The following GTF2H5 variants were observed in gnomAD, a reference collection of about 807,000 sequenced individuals.
GTF2H5 encodes the protein TFB5 ortholog.
In GTF2H5, 5 loss-of-function variants were observed where a neutral mutation model predicts 7.1. The ratio of observed to expected loss-of-function variants is 0.71; its 90% confidence interval spans 0.37 to 1.49. The LOEUF is 1.49. GTF2H5 is among the 40% of genes most tolerant of loss of function. The probability of loss-of-function intolerance (pLI) is 0.03; values close to 1 mark genes in which losing one functional copy is unlikely to be tolerated. For synonymous variants in GTF2H5, 30 were observed against 31.7 expected, an observed-to-expected ratio of 0.95 and a Z score of 0.18; for missense variants, 80 against 83.0, an observed-to-expected ratio of 0.96 and a Z score of 0.14.
chr6:158,176,642 C>G (rs1268376755), intron 2 of GTF2H5, among the ~76,000 whole-genome samples: 1 of 151,958 alleles, frequency 6.6e-6, no homozygotes, highest in Non-Finnish European at 1.5e-5. Context: ...TCTGGGAGAC[C>G]CTAACCCAGC....
intron 2 of GTF2H5, among the ~76,000 whole-genome samples, chr6:158,187,139 C>T (rs990905486): frequency 1.3e-5 from 2 of 151,882 alleles, no homozygotes; most frequent in Non-Finnish European, 2.9e-5. Context: ...GTATTACAAG[C>T]GCCTGCCACC....
Position 158,196,275 on chromosome 6 carries a change from C to G in GTF2H5, c.*4118C>G, listed in dbSNP as rs1455784855. 6.6e-6 allele frequency: 1 copy of G among 152,120 alleles called. No homozygotes were observed. Among genetic ancestry groups the G allele is most frequent in the East Asian group, 1.9e-4 (1 of 5,186 alleles). 9.4% of individuals were successfully genotyped at this position (152,120 alleles called of 1,614,324 possible). A position where few individuals can be genotyped will look rare whatever the true frequency, so the allele number is the denominator to read the frequency against. On this transcript the variant is annotated 3_prime_UTR_variant, in exon 3 of 3. Transcript: ENST00000607778. The stretch of plus-strand genomic sequence containing the variant: ...CCAGCCGGGGTGACAGAGCGAGACT[C>G]CCACCCATCTCAAAAAAAATAAAAA...
At chr6:158,182,763 G>C (rs189893163) in intron 2 of GTF2H5, among the ~76,000 whole-genome samples, 3 of 152,020 alleles carry the variant, frequency 2.0e-5, no homozygotes, top group Non-Finnish European at 4.4e-5. Flanking sequence ...GGTTATTCTA[G>C]TTAACCATTC....
In GTF2H5 at chr6:158,192,452, A is replaced by G. The variant is rs375182581; in HGVS notation, c.*295A>G. The G allele has an allele frequency of 1.0e-4, 37 of 360,462 alleles. No homozygotes were observed. The highest frequency in any genetic ancestry group is 5.9e-4 in the East Asian group (9 of 15,222). 22.3% of individuals were successfully genotyped at this position (360,462 alleles called of 1,614,324 possible). A position where few individuals can be genotyped will look rare whatever the true frequency, so the allele number is the denominator to read the frequency against. On this transcript the variant is annotated 3_prime_UTR_variant, in exon 3 of 3. Coordinates refer to ENST00000607778, the MANE Select transcript of GTF2H5 (RefSeq NM_207118.3). ...CTTTTTAATACCATGTCAGTGTAAC[A>G]TAGGTATTTATTTTGCTCATCCCTG...
chr6:158,188,614 T>C (rs1776969575), intron 2 of GTF2H5, among the ~76,000 whole-genome samples: 1 of 152,156 alleles, frequency 6.6e-6, no homozygotes, highest in Non-Finnish European at 1.5e-5. Flanking sequence ...GTCTTACTGT[T>C]CTAGAAAATC....
At position 158,195,756 on chromosome 6, in the gene GTF2H5, C is replaced by T. The variant is rs1777097193; in HGVS notation, c.*3599C>T. ...GAGTAAAAGCTCTGACAAAAAGCCT[C>T]TGCTGTAACTAAAATACTGAGATCA... On this transcript the variant is annotated 3_prime_UTR_variant, in exon 3 of 3. Coordinates refer to ENST00000607778, the MANE Select transcript of GTF2H5 (RefSeq NM_207118.3). 1 of 152,182 alleles carries T rather than the reference C, an allele frequency of 6.6e-6. No homozygotes were observed. The highest frequency in any genetic ancestry group is 2.1e-4 in the South Asian group (1 of 4,826). The allele number at this position is 152,182 out of a possible 1,614,324, so 9.4% of individuals were successfully genotyped here. A position where few individuals can be genotyped will look rare whatever the true frequency, so the allele number is the denominator to read the frequency against.
intron 1 of GTF2H5, among the ~76,000 whole-genome samples, chr6:158,169,881 T>G (rs975444772): frequency 2.8e-5 from 4 of 144,956 alleles, no homozygotes; most frequent in African/African-American, 1.0e-4. Flanking sequence ...TTAGCTGGGC[T>G]TAGTAGTGCA....
In GTF2H5 at chr6:158,195,303, A is replaced by C. The variant is rs10946159; in HGVS notation, c.*3146A>C. 0.34 allele frequency: 51,551 copies of C among 151,892 alleles called. 9,363 individuals are homozygous for C. Among genetic ancestry groups the C allele is most frequent in the Admixed American group, 0.46 (7,083 of 15,274 alleles). 9.4% of individuals were successfully genotyped at this position (151,892 alleles called of 1,614,324 possible). ...GAGTGAAACTTTGTCTCTTAATAGA[A>C]CTATGGACTGAAGTTGTGATATTGA... On this transcript the variant is annotated 3_prime_UTR_variant, in exon 3 of 3. Transcript: ENST00000607778.
intron 2 of GTF2H5, among the ~76,000 whole-genome samples, chr6:158,174,001 G>T (rs1051522429): frequency 6.6e-6 from 1 of 152,146 alleles, no homozygotes; most frequent in Non-Finnish European, 1.5e-5. Flanking sequence ...GTGCTGGTGG[G>T]GGTGGTTTTT....
Position 158,195,775 on chromosome 6 carries a change from G to A in GTF2H5, c.*3618G>A, listed in dbSNP as rs1357239737. The A allele has an allele frequency of 6.6e-6, 1 of 152,124 alleles. No homozygotes were observed. Among genetic ancestry groups the A allele is most frequent in the Admixed American group, 6.5e-5 (1 of 15,276 alleles). 9.4% of individuals were successfully genotyped at this position (152,124 alleles called of 1,614,324 possible). A position where few individuals can be genotyped will look rare whatever the true frequency, so the allele number is the denominator to read the frequency against. The stretch of plus-strand genomic sequence containing the variant: ...AAGCCTCTGCTGTAACTAAAATACT[G>A]AGATCATTCTATCTTAACAAACTTA... On this transcript the variant is annotated 3_prime_UTR_variant, in exon 3 of 3. Transcript: ENST00000607778.
rs1777138796 is a variant in GTF2H5 at position 158,198,000 on chromosome 6, T to A, written c.*5843T>A. The A allele has an allele frequency of 6.6e-6, 1 of 152,358 alleles. No individual in the cohort carries two copies. 9.4% of individuals were successfully genotyped at this position (152,358 alleles called of 1,614,324 possible). A position where few individuals can be genotyped will look rare whatever the true frequency, so the allele number is the denominator to read the frequency against. On this transcript the variant is annotated 3_prime_UTR_variant, in exon 3 of 3. Coordinates refer to ENST00000607778, the MANE Select transcript of GTF2H5 (RefSeq NM_207118.3). ...TAAAAGAAATTATATTTTATTTTTA[T>A]CTTTTAATTCTATTTTTCCATGAAC...
rs1562468281 is a variant in GTF2H5, at chr6:158,169,480, A to ATATAATATACAGTATATTATATG, written c.-34-988_-34-987insTAATATACAGTATATTATATGTA. Among the ~76,000 whole-genome samples the ATATAATATACAGTATATTATATG allele has an allele frequency of 2.1e-4, 13 of 61,226 alleles. 1 individual carries two copies. The highest frequency in any genetic ancestry group is 1.3e-3 in the African/African-American group (13 of 10,144). 40.2% of individuals were successfully genotyped at this position (61,226 alleles called of 152,430 possible). The stretch of plus-strand genomic sequence containing the variant: ...ATATATATTATATTGTATATTATAT[A>ATATAATATACAGTATATTATATG]TAATATATTGTATATTATATAATAT... On this transcript the variant is annotated intron_variant, in intron 1 of 2. Coordinates refer to ENST00000607778, the MANE Select transcript of GTF2H5 (RefSeq NM_207118.3).
intron 2 of GTF2H5, among the ~76,000 whole-genome samples, chr6:158,190,083 A>C (rs74946338): frequency 6.7e-6 from 1 of 148,866 alleles, no homozygotes; most frequent in Non-Finnish European, 1.5e-5. Context: ...TTTTTTTTTT[A>C]GTAGAGTCAG....
chr6:158,169,347 T>TTA (rs948429335), intron 1 of GTF2H5, among the ~76,000 whole-genome samples: 20 of 110,548 alleles, frequency 1.8e-4, no homozygotes, highest in African/African-American at 7.2e-4. Context: ...AATACGTATA[T>TTA]TATATATAAT....
chr6:158,191,771 C>T (rs916009275), intron 2 of GTF2H5, among the ~76,000 whole-genome samples: 5 of 152,188 alleles, frequency 3.3e-5, no homozygotes, highest in Admixed American at 6.5e-5. Context: ...TGTGAGCCAT[C>T]GCACCCGGCC....
At chr6:158,175,950 C>T (rs1003878435) in intron 2 of GTF2H5, among the ~76,000 whole-genome samples, 15 of 152,106 alleles carry the variant, frequency 9.9e-5, no homozygotes, top group African/African-American at 3.6e-4. Flanking sequence ...GTGAAAACAC[C>T]TGGATTCCTG....
In GTF2H5 at chr6:158,196,671, A is replaced by G. The variant is rs1288651811; in HGVS notation, c.*4514A>G. ...TAAAACTGAAGCAAGAACAAACATCAAATTTATGGCAAAGCTTAGGTGGAA... is the reference window on the plus strand; with the variant it reads ...TAAAACTGAAGCAAGAACAAACATCGAATTTATGGCAAAGCTTAGGTGGAA... On this transcript the variant is annotated 3_prime_UTR_variant, in exon 3 of 3. Coordinates refer to ENST00000607778, the MANE Select transcript of GTF2H5 (RefSeq NM_207118.3). The G allele has an allele frequency of 1.3e-5, 2 of 152,236 alleles. No individual in the cohort carries two copies. Among genetic ancestry groups the G allele is most frequent in the Non-Finnish European group, 2.9e-5 (2 of 68,040 alleles). 9.4% of individuals were successfully genotyped at this position (152,236 alleles called of 1,614,324 possible).
At chr6:158,187,190 T>G (rs1207051472) in intron 2 of GTF2H5, among the ~76,000 whole-genome samples, 1 of 151,878 alleles carries the variant, frequency 6.6e-6, no homozygotes, top group East Asian at 1.9e-4. Flanking sequence ...GAGACGGGGT[T>G]TCATCATGTT....
In GTF2H5 at chr6:158,197,530, T is replaced by C. The variant is rs1777132061; in HGVS notation, c.*5373T>C. The stretch of plus-strand genomic sequence containing the variant: ...GTGGCCCAGTCACAGCAAGAGCAGA[T>C]TGATCAAGAGCAAAGGTCATGGTAA... On this transcript the variant is annotated 3_prime_UTR_variant, in exon 3 of 3. Transcript: ENST00000607778. 1 of 152,088 alleles carries C rather than the reference T, an allele frequency of 6.6e-6. No homozygotes were observed. The highest frequency in any genetic ancestry group is 2.4e-5 in the African/African-American group (1 of 41,410). The allele number at this position is 152,088 out of a possible 1,614,324, so 9.4% of individuals were successfully genotyped here.
Sources: gnomAD v4.1 joint callset for allele counts (sites outside exome capture counted in the v4.1 genomes callset) on GRCh38, gnomAD v4.1.1 for gene constraint, MANE v1.5 for transcripts, NCBI Gene and HGNC (gene_info 2026-07-23, HGNC 2026-07-21) for gene names.